CYP4X1: variants seen among roughly 807,000 people sequenced by gnomAD.
CYP4X1 encodes the protein cytochrome P450 4X1.
Under a neutral mutation model 57.9 loss-of-function variants are expected in CYP4X1, and 44 were observed. That is an observed-to-expected ratio of 0.76 (90% CI 0.60 to 0.98). CYP4X1 has a LOEUF of 0.98. Among genes scored for constraint, CYP4X1 ranks in the 50% least tolerant of loss-of-function variants. The probability of loss-of-function intolerance (pLI) is 0.00; values close to 1 mark genes in which losing one functional copy is unlikely to be tolerated. For missense variants in CYP4X1, 532 were observed against 623.9 expected, an observed-to-expected ratio of 0.85 and a Z score of 1.57; for synonymous variants, 227 against 228.6, an observed-to-expected ratio of 0.99 and a Z score of 0.06.
chr1:47,002,978 G>C, the CYP4X1 span: 1 of 152,304 alleles, frequency 6.6e-6, no homozygotes, highest in African/African-American at 2.4e-5. Context: ...GCTGGAGTGT[G>C]GTTTCTCTCT....
chr1:46,966,826 A>G, the CYP4X1 span, among the ~76,000 whole-genome samples: 1 of 152,346 alleles, frequency 6.6e-6, no homozygotes, highest in East Asian at 1.9e-4. Flanking sequence ...ATTAAAGAGA[A>G]GGGTGAATGT....
chr1:46,963,484 A>G, the CYP4X1 span, among the ~76,000 whole-genome samples: 1 of 151,848 alleles, frequency 6.6e-6, no homozygotes, highest in Admixed American at 6.6e-5. Context: ...GCTTGTCTGT[A>G]AAGTATTTTA....
rs1030428232 is a variant in CYP4X1, at chr1:47,050,695, T to C, written c.*521T>C. 1 of 153,228 alleles carries C rather than the reference T, an allele frequency of 6.5e-6. No individual in the cohort carries two copies. Among genetic ancestry groups the C allele is most frequent in the Non-Finnish European group, 1.5e-5 (1 of 68,738 alleles). 9.5% of individuals were successfully genotyped at this position (153,228 alleles called of 1,614,324 possible). A position where few individuals can be genotyped will look rare whatever the true frequency, so the allele number is the denominator to read the frequency against. On this transcript the variant is annotated 3_prime_UTR_variant, in exon 12 of 12. Transcript: ENST00000371901. ...TAGCAATGTATTTGTATAGATGTGA[T>C]CATTCCTATATTGTTATTGATTTTT...
intron 1 of CYP4X1, among the ~76,000 whole-genome samples, chr1:47,028,559 T>C (rs901544731): frequency 6.6e-6 from 1 of 152,236 alleles, no homozygotes; most frequent in African/African-American, 2.4e-5. Context: ...CGTTTTCAAG[T>C]GTATTTAGAT....
the CYP4X1 span, among the ~76,000 whole-genome samples, chr1:47,016,380 T>G: frequency 6.6e-6 from 1 of 151,458 alleles, no homozygotes; most frequent in Non-Finnish European, 1.5e-5. Flanking sequence ...CTTGCTCTGT[T>G]GCCCAGGCTG....
chr1:47,029,630 T>C (rs903100994), intron 1 of CYP4X1, among the ~76,000 whole-genome samples: 1 of 152,160 alleles, frequency 6.6e-6, no homozygotes, highest in East Asian at 1.9e-4. Context: ...ACATAGGAAA[T>C]ACTTCTTTTT....
At chr1:47,017,541 A>G in the CYP4X1 span, among the ~76,000 whole-genome samples, 2 of 152,106 alleles carry the variant, frequency 1.3e-5, no homozygotes, top group African/African-American at 4.8e-5. Flanking sequence ...CAGTGAAGAG[A>G]AACTATGAAA....
At chr1:46,979,153 C>T in the CYP4X1 span, among the ~76,000 whole-genome samples, 1 of 151,972 alleles carries the variant, frequency 6.6e-6, no homozygotes, top group Non-Finnish European at 1.5e-5. Context: ...GATAGAGACA[C>T]AAAAACCCCT....
At chr1:46,966,077 T>A in the CYP4X1 span, among the ~76,000 whole-genome samples, 5 of 152,254 alleles carry the variant, frequency 3.3e-5, no homozygotes, top group African/African-American at 9.6e-5. Flanking sequence ...AACAGCTGAG[T>A]CTACCAAACT....
chr1:47,000,068 A>G, the CYP4X1 span, among the ~76,000 whole-genome samples: 1 of 152,064 alleles, frequency 6.6e-6, no homozygotes, highest in Non-Finnish European at 1.5e-5. Context: ...TGTAATCCCC[A>G]TGTGTCAAGG....
chr1:47,054,448 C>T (rs1644380366), downstream of CYP4X1, among the ~76,000 whole-genome samples: 1 of 151,874 alleles, frequency 6.6e-6, no homozygotes, highest in Admixed American at 6.6e-5. Flanking sequence ...TTTTCCAATT[C>T]TGTGAAGAAA....
At chr1:46,991,991 A>G in the CYP4X1 span, among the ~76,000 whole-genome samples, 1 of 152,000 alleles carries the variant, frequency 6.6e-6, no homozygotes, top group East Asian at 1.9e-4. Context: ...TCCTCTCCCC[A>G]CTCCCAGGAC....
intron 1 of CYP4X1, among the ~76,000 whole-genome samples, chr1:47,026,292 G>A (rs920162987): frequency 1.3e-5 from 2 of 152,148 alleles, no homozygotes; most frequent in Admixed American, 6.5e-5. Context: ...CATTCTTCAT[G>A]ATGTGCCTAT....
At chr1:47,015,427 G>T in the CYP4X1 span, among the ~76,000 whole-genome samples, 1 of 152,122 alleles carries the variant, frequency 6.6e-6, no homozygotes, top group African/African-American at 2.4e-5. Context: ...TGCCCCTGCC[G>T]TGGCAGAAGA....
At chr1:47,038,181 T>C (rs1644205986) in intron 6 of CYP4X1, among the ~76,000 whole-genome samples, 1 of 152,202 alleles carries the variant, frequency 6.6e-6, no homozygotes, top group Non-Finnish European at 1.5e-5. Flanking sequence ...GTAACAAACC[T>C]GTACATGTAC....
chr1:46,970,033 G>T, the CYP4X1 span, among the ~76,000 whole-genome samples: 1 of 152,160 alleles, frequency 6.6e-6, no homozygotes, highest in East Asian at 1.9e-4. Flanking sequence ...AGACTAGCAA[G>T]GTGTCTGAAT....
intron 1 of CYP4X1, among the ~76,000 whole-genome samples, chr1:47,026,148 A>C (rs1304077577): frequency 1.3e-5 from 2 of 152,198 alleles, no homozygotes; most frequent in Non-Finnish European, 2.9e-5. Context: ...AAAAAATAGA[A>C]AGAATGAATA....
intron 1 of CYP4X1, 82 bp downstream of exon 1, chr1:47,024,076 C>A: frequency 6.7e-7 from 1 of 1,484,536 alleles, no homozygotes; most frequent in Non-Finnish European, 9.0e-7. Context: ...CAGAGAGACG[C>A]AGCTTTCTTC....
the CYP4X1 span, among the ~76,000 whole-genome samples, chr1:46,999,026 T>TTGTGTG: frequency 7.0e-3 from 1,005 of 143,304 alleles, 24 homozygotes; most frequent in African/African-American, 0.025. Context: ...CTTGCTTTCT[T>TTGTGTG]TGTGTGTGTG....
Sources: gnomAD v4.1 joint callset for allele counts (sites outside exome capture counted in the v4.1 genomes callset) on GRCh38, gnomAD v4.1.1 for gene constraint, MANE v1.5 for transcripts, NCBI Gene and HGNC (gene_info 2026-07-23, HGNC 2026-07-21) for gene names.